TOP2B: variants seen among roughly 807,000 people sequenced by gnomAD.
The protein encoded by TOP2B is DNA topoisomerase II beta.
In TOP2B, 51 loss-of-function variants were observed where a neutral mutation model predicts 193.5. The observed-to-expected ratio is 0.26, with a 90% CI of 0.21 to 0.33. TOP2B has a LOEUF of 0.33. TOP2B is among the 10% of genes least tolerant of loss of function. The pLI is 1.00. For missense variants in TOP2B, 1,378 were observed against 1,909.3 expected, an observed-to-expected ratio of 0.72 and a Z score of 5.19; for synonymous variants, 634 against 635.7, an observed-to-expected ratio of 1.00 and a Z score of 0.04.
intron 1 of TOP2B, among the ~76,000 whole-genome samples, chr3:25,650,835 G>C (rs141917189): frequency 2.0e-3 from 301 of 152,162 alleles, no homozygotes; most frequent in Middle Eastern, 6.8e-3. Context: ...TTGAGGCATT[G>C]GCCCTGTAAA....
chr3:25,657,299 T>G (rs751239593), intron 1 of TOP2B, among the ~76,000 whole-genome samples: 4 of 152,208 alleles, frequency 2.6e-5, no homozygotes, highest in Non-Finnish European at 2.9e-5. Flanking sequence ...CTTACCCAGT[T>G]AATATGATGA....
chr3:25,609,495 C>T (rs1702316137), intron 29 of TOP2B, 73 bp downstream of exon 29: 4 of 1,519,972 alleles, frequency 2.6e-6, no homozygotes, highest in Non-Finnish European at 3.5e-6. Flanking sequence ...AGAGCACAAT[C>T]AAAAGAATCT....
In TOP2B at chr3:25,599,334, G is replaced by C. The variant is rs950445870; in HGVS notation, c.4710+101C>G. The C allele has an allele frequency of 2.9e-6, 3 of 1,017,888 alleles. No individual in the cohort carries two copies. In the African/African-American group the frequency reaches 4.9e-5, roughly 17 times the overall value. The allele number at this position is 1,017,888 out of a possible 1,614,324, so 63.1% of individuals were successfully genotyped here. A position where few individuals can be genotyped will look rare whatever the true frequency, so the allele number is the denominator to read the frequency against. ...GCCCCATATTGATACGAGATGCTAGGTGGAAAGCTGTTCCAGGACTATAGT... is the reference window on the plus strand; with the variant it reads ...GCCCCATATTGATACGAGATGCTAGCTGGAAAGCTGTTCCAGGACTATAGT... On this transcript the variant is annotated intron_variant, in intron 35 of 35. Transcript: ENST00000264331.
chr3:25,650,688 C>T (rs1197108772), intron 1 of TOP2B, among the ~76,000 whole-genome samples: 9 of 152,190 alleles, frequency 5.9e-5, no homozygotes, highest in African/African-American at 2.2e-4. Flanking sequence ...AATCATTGGT[C>T]CTCTTAAATA....
rs1378865143 is a variant in TOP2B, at chr3:25,645,380, C to T, written c.160G>A (p.Val54Met). 3 of 1,613,528 alleles carry T rather than the reference C, an allele frequency of 1.9e-6. No homozygotes were observed. The highest frequency in any genetic ancestry group is 1.7e-6 in the Non-Finnish European group (2 of 1,179,736). The change falls in exon 2 of 36, where the codon GTG (valine) becomes ATG (methionine). Residue 54 changes from valine (V) to methionine (M), a missense_variant. Physicochemically the swap from Val to Met is conservative, Grantham distance 21. Transcript: ENST00000264331. ...DSSKKLSVER[V>M]YQKKTQLEHI... ...TCAAGTTGTGTCTTCTTCTGATACA[C>T]TCTCTCAACAGACAACTTCTTTGAA...
intron 8 of TOP2B, 111 bp from the exon 9 acceptor site, chr3:25,632,905 G>A (rs951133747): frequency 8.1e-6 from 7 of 862,176 alleles, no homozygotes; most frequent in African/African-American, 5.2e-5. Flanking sequence ...GTCTCAGAAC[G>A]AGAGTTGAGA....
chr3:25,615,172 T>TAAACAAA (rs1318486943), intron 27 of TOP2B, 33 bp downstream of exon 27: 6 of 1,565,926 alleles, frequency 3.8e-6, no homozygotes, highest in Non-Finnish European at 5.2e-6. Context: ...AACATGACTT[T>TAAACAAA]TCCAAATAAA....
At chr3:25,640,487 G>T (rs1402447736) in intron 4 of TOP2B, among the ~76,000 whole-genome samples, 3 of 152,040 alleles carry the variant, frequency 2.0e-5, no homozygotes, top group South Asian at 4.2e-4. Context: ...GTTAAAATGA[G>T]GTGGGGGATA....
rs146931937 is a variant in TOP2B, at chr3:25,605,789, T to G, written c.4378+254A>C. Among the ~76,000 whole-genome samples the G allele has an allele frequency of 4.1e-3, 623 of 152,152 alleles. 9 individuals carry two copies. Among genetic ancestry groups the G allele is most frequent in the Non-Finnish European group, 1.0e-3 (69 of 67,924 alleles). On this transcript the variant is annotated intron_variant, in intron 32 of 35. Coordinates refer to ENST00000264331, the MANE Select transcript of TOP2B (RefSeq NM_001330700.2). ...TCTCATTAAAACACTACACATACAC[T>G]CACACCCATAAACACAGATAAGCAT...
At chr3:25,660,315 A>C (rs1035833796) in intron 1 of TOP2B, among the ~76,000 whole-genome samples, 1 of 152,224 alleles carries the variant, frequency 6.6e-6, no homozygotes, top group Non-Finnish European at 1.5e-5. Flanking sequence ...TGAAGGACAT[A>C]AACAAGGAAA....
intron 22 of TOP2B, 51 bp from the exon 23 acceptor site, chr3:25,620,113 C>T (rs1702619931): frequency 8.5e-7 from 1 of 1,181,036 alleles, no homozygotes; most frequent in East Asian, 2.6e-5. Flanking sequence ...CTCTCATGTT[C>T]TCATACTACA....
At chr3:25,620,850 CTCT>C (rs1376494771) in intron 21 of TOP2B, 34 bp from the exon 22 acceptor site, 3 of 1,604,826 alleles carry the variant, frequency 1.9e-6, no homozygotes, top group Non-Finnish European at 2.6e-6. Context: ...ATTGACTTCT[CTCT>C]TGAGTACCAG....
At chr3:25,621,861 C>T (rs1702666566) in intron 21 of TOP2B, among the ~76,000 whole-genome samples, 1 of 151,876 alleles carries the variant, frequency 6.6e-6, no homozygotes, top group African/African-American at 2.4e-5. Flanking sequence ...TGGTGGCGCA[C>T]ACCTGTGGCC....
intron 33 of TOP2B, among the ~76,000 whole-genome samples, chr3:25,604,155 A>C (rs1257987532): frequency 6.6e-6 from 1 of 152,200 alleles, no homozygotes; most frequent in African/African-American, 2.4e-5. Context: ...GGAACAATCC[A>C]TATTATTTAC....
In TOP2B at chr3:25,619,907, C is replaced by T. The variant is rs182970955; in HGVS notation, c.3018G>A (p.Leu1006=). The change falls in exon 23 of 36, where the codon CTG becomes CTA. Residue 1006 remains leucine, a synonymous_variant. Transcript: ENST00000264331. ...TAGTTTGAAGTTTAAAAACTTTATG[C>T]AGTCCAGCAGCTTCTGCTTGTGCTA... ...EKLAQAEAAG[L]HKVFKLQTTL... is the part of the protein sequence containing the mutation. 889 of 1,613,092 alleles carry T rather than the reference C, an allele frequency of 5.5e-4. No homozygotes were observed. The highest frequency in any genetic ancestry group is 7.1e-4 in the Non-Finnish European group (836 of 1,179,560).
chr3:25,639,686 A>G (rs1703205099), intron 4 of TOP2B, among the ~76,000 whole-genome samples: 1 of 152,232 alleles, frequency 6.6e-6, no homozygotes, highest in Non-Finnish European at 1.5e-5. Context: ...AATAAGTGTT[A>G]AGCTCCCTTG....
chr3:25,615,252 AAGG>A lies in TOP2B; in HGVS notation c.3541_3543del (p.Pro1181del). 6.2e-7 allele frequency: 1 copy of A among 1,612,656 alleles called. No homozygotes were observed. ...GCTAAATCCTCTTTCCAAAGATCTGAAGGAGATTTTCTTTTAAGATCATTGACC... is the reference window on the plus strand; with the variant it reads ...GCTAAATCCTCTTTCCAAAGATCTGAAGATTTTCTTTTAAGATCATTGACC... On this transcript the variant is annotated inframe_deletion, in exon 27 of 36. Transcript: ENST00000264331.
chr3:25,659,653 T>C (rs1703852530), intron 1 of TOP2B, among the ~76,000 whole-genome samples: 1 of 152,206 alleles, frequency 6.6e-6, no homozygotes, highest in Non-Finnish European at 1.5e-5. Context: ...TCACAGCCCA[T>C]ACTCTTAGCA....
chr3:25,628,711 T>C (rs1391473084), intron 15 of TOP2B, 136 bp downstream of exon 15: 1 of 578,052 alleles, frequency 1.7e-6, no homozygotes, highest in Admixed American at 3.6e-5. Context: ...TACATTTTTC[T>C]ATAACAATAC....
Sources: allele counts gnomAD v4.1 joint callset (sites outside exome capture counted in the v4.1 genomes callset), GRCh38; gene constraint gnomAD v4.1.1; transcripts MANE v1.5; gene names NCBI Gene and HGNC (gene_info 2026-07-23, HGNC 2026-07-21).